Variants in EPHA5 observed in about 807,000 individuals in gnomAD.
EPHA5 encodes ephrin type-A receptor 5.
Under a neutral mutation model 105.0 loss-of-function variants are expected in EPHA5, and 60 were observed. That is an observed-to-expected ratio of 0.57 (90% confidence interval 0.46 to 0.71). The LOEUF is 0.71. Among genes scored for constraint, EPHA5 ranks in the 30% least tolerant of loss-of-function variants. The pLI, the probability that EPHA5 is intolerant of heterozygous loss-of-function variation, is 0.00. For missense variants in EPHA5, 1,218 were observed against 1,274.7 expected, an observed-to-expected ratio of 0.96 and a Z score of 0.68; for synonymous variants, 513 against 449.1, an observed-to-expected ratio of 1.14 and a Z score of -1.80.
chr4:65,338,703 T>C (rs67312120), intron 14 of EPHA5, among the ~76,000 whole-genome samples: 9,942 of 152,232 alleles, frequency 0.065, 405 homozygotes, highest in Admixed American at 0.13. Context: ...TGTTAGAATT[T>C]ATTTTAAAAA....
chr4:65,341,350 A>T (rs2148824837), intron 14 of EPHA5, among the ~76,000 whole-genome samples: 1 of 152,168 alleles, frequency 6.6e-6, no homozygotes, highest in Middle Eastern at 3.4e-3. Context: ...TATTTTTGTC[A>T]TGAAAACCTG....
Position 65,321,487 on chromosome 4 carries a change from CTT to C in EPHA5, c.*2625_*2626del, listed in dbSNP as rs1267501463. 4.4e-6 allele frequency: 1 copy of C among 229,270 alleles called. No homozygotes were observed. Among genetic ancestry groups the C allele is most frequent in the African/African-American group, 2.2e-5 (1 of 45,054 alleles). The allele number at this position is 229,270 out of a possible 1,614,324, so 14.2% of individuals were successfully genotyped here. ...ATATTTTAGGAAGGCATTCTTTCCTCTTTTTTAGGGAGAGTACTTGTTGTTTG... is the reference window on the plus strand; with the variant it reads ...ATATTTTAGGAAGGCATTCTTTCCTCTTTTAGGGAGAGTACTTGTTGTTTG... On this transcript the variant is annotated 3_prime_UTR_variant, in exon 17 of 17. Transcript: ENST00000613740.
chr4:65,393,743 T>C (rs972448159), intron 8 of EPHA5, among the ~76,000 whole-genome samples: 3 of 152,214 alleles, frequency 2.0e-5, no homozygotes, highest in African/African-American at 7.2e-5. Flanking sequence ...GCAAGATCAA[T>C]AATTTCCTTT....
chr4:65,667,796 A>G (rs1159992716), intron 1 of EPHA5, among the ~76,000 whole-genome samples: 1 of 152,028 alleles, frequency 6.6e-6, no homozygotes, highest in Admixed American at 6.5e-5. Context: ...CTTCCATCAC[A>G]CCTGGAGAGA....
At chr4:65,634,447 A>C (rs1746929884) in intron 2 of EPHA5, among the ~76,000 whole-genome samples, 1 of 152,084 alleles carries the variant, frequency 6.6e-6, no homozygotes, top group South Asian at 2.1e-4. Context: ...CATTTTAAAG[A>C]ACCTTATTCA....
At chr4:65,573,357 G>C (rs1740419452) in intron 3 of EPHA5, 1 of 652,588 alleles carries the variant, frequency 1.5e-6, no homozygotes, top group Non-Finnish European at 2.4e-6. Flanking sequence ...CTTGCAATGA[G>C]CTGAGATTGC....
intron 8 of EPHA5, among the ~76,000 whole-genome samples, chr4:65,388,194 C>T (rs1302509823): frequency 6.7e-6 from 1 of 149,088 alleles, no homozygotes; most frequent in Non-Finnish European, 1.5e-5. Context: ...ATATGTGCCA[C>T]ATTTTCTTAA....
chr4:65,338,071 AAAT>A (rs1464996972), intron 14 of EPHA5, among the ~76,000 whole-genome samples: 1 of 152,102 alleles, frequency 6.6e-6, no homozygotes, highest in African/African-American at 2.4e-5. Context: ...TTGAGAAATA[AAAT>A]AATAAAACAA....
intron 8 of EPHA5, among the ~76,000 whole-genome samples, chr4:65,374,372 T>A (rs1220296222): frequency 6.6e-6 from 1 of 151,928 alleles, no homozygotes; most frequent in East Asian, 1.9e-4. Context: ...ACTATACTGA[T>A]GAAAATAATT....
At chr4:65,640,240 C>T (rs1747519830) in intron 2 of EPHA5, among the ~76,000 whole-genome samples, 1 of 147,616 alleles carries the variant, frequency 6.8e-6, no homozygotes, top group South Asian at 2.2e-4. Context: ...CTGTATTTTT[C>T]AATGGCCATG....
intron 3 of EPHA5, among the ~76,000 whole-genome samples, chr4:65,529,918 A>G (rs1472234001): frequency 2.6e-5 from 4 of 152,254 alleles, no homozygotes; most frequent in African/African-American, 7.2e-5. Context: ...AATTATACAC[A>G]TTGGAAACAT....
Position 65,658,499 on chromosome 4 carries a change from T to C in EPHA5, c.181+11063A>G, listed in dbSNP as rs981906052. On this transcript the variant is annotated intron_variant, in intron 1 of 16. Coordinates refer to ENST00000613740, the MANE Select transcript of EPHA5 (RefSeq NM_001281766.3). ...ATATTAGACAGTACTCACTGACTAA[T>C]GTAAAAAAGTAGACCTTGCTCAATG... Among the ~76,000 whole-genome samples, 8 of 152,258 alleles carry C rather than the reference T, an allele frequency of 5.3e-5. 1 individual carries two copies. Among genetic ancestry groups the C allele is most frequent in the Admixed American group, 3.9e-4 (6 of 15,278 alleles).
chr4:65,433,099 T>A (rs77756930), intron 5 of EPHA5, among the ~76,000 whole-genome samples: 1 of 152,164 alleles, frequency 6.6e-6, no homozygotes, highest in Non-Finnish European at 1.5e-5. Flanking sequence ...TTATTAAGTA[T>A]GCAAACCAGA....
At chr4:65,466,151 T>A (rs181985687) in intron 5 of EPHA5, among the ~76,000 whole-genome samples, 2 of 152,376 alleles carry the variant, frequency 1.3e-5, no homozygotes, top group African/African-American at 4.8e-5. Flanking sequence ...TGTGTACACA[T>A]ATGCACATAA....
chr4:65,322,990 C>A lies in EPHA5; in HGVS notation c.*1124G>T. The A allele has an allele frequency of 8.7e-6, 2 of 229,210 alleles. No individual in the cohort carries two copies. The highest frequency in any genetic ancestry group is 1.7e-5 in the Non-Finnish European group (2 of 115,464). The allele number at this position is 229,210 out of a possible 1,614,324, so 14.2% of individuals were successfully genotyped here. A position where few individuals can be genotyped will look rare whatever the true frequency, so the allele number is the denominator to read the frequency against. On this transcript the variant is annotated 3_prime_UTR_variant, in exon 17 of 17. Transcript: ENST00000613740. ...CTGGATTTAACAACATTAACAGAAG[C>A]CTGCACAGTTAAATCCTTCTACATC...
At chr4:65,567,963 A>G (rs1358557448) in intron 3 of EPHA5, among the ~76,000 whole-genome samples, 3 of 151,424 alleles carry the variant, frequency 2.0e-5, no homozygotes, top group African/African-American at 7.3e-5. Flanking sequence ...ATTATTGGCT[A>G]CTTTTCATAC....
intron 2 of EPHA5, among the ~76,000 whole-genome samples, chr4:65,625,205 A>G (rs1012095020): frequency 5.3e-5 from 8 of 152,184 alleles, no homozygotes; most frequent in Non-Finnish European, 1.2e-4. Context: ...TATGTTGTAG[A>G]ACAAATCTAT....
At chr4:65,468,559 TTA>T (rs1484949543) in intron 5 of EPHA5, among the ~76,000 whole-genome samples, 5 of 58,002 alleles carry the variant, frequency 8.6e-5, no homozygotes, top group African/African-American at 3.7e-4. Flanking sequence ...AATATATATA[TTA>T]TATATTATAT....
At chr4:65,611,618 T>C (rs1344248311) in intron 2 of EPHA5, among the ~76,000 whole-genome samples, 1 of 151,940 alleles carries the variant, frequency 6.6e-6, no homozygotes, top group Non-Finnish European at 1.5e-5. Flanking sequence ...GAAAATATAA[T>C]GCTGCCTGTG....
Sources: allele counts gnomAD v4.1 joint callset (sites outside exome capture counted in the v4.1 genomes callset), GRCh38; gene constraint gnomAD v4.1.1; transcripts MANE v1.5; gene names NCBI Gene and HGNC (gene_info 2026-07-23, HGNC 2026-07-21).